Variants in LIN7A observed in about 807,000 individuals in gnomAD.
The protein encoded by LIN7A is lin-7 cell polarity scaffold A.
A neutral mutation model predicts 29.8 loss-of-function variants in LIN7A; 25 were observed. The ratio of observed to expected loss-of-function variants is 0.84; its 90% CI spans 0.61 to 1.17. LIN7A has a LOEUF of 1.17. LIN7A is among the 50% of genes most tolerant of loss of function. LIN7A has a pLI of 0.00. For missense variants in LIN7A, 239 were observed against 287.0 expected, an observed-to-expected ratio of 0.83 and a Z score of 1.21; for synonymous variants, 118 against 107.5, an observed-to-expected ratio of 1.10 and a Z score of -0.60.
intron 5 of LIN7A, among the ~76,000 whole-genome samples, chr12:80,803,586 C>T (rs1255362522): frequency 6.6e-6 from 1 of 152,114 alleles, no homozygotes; most frequent in African/African-American, 2.4e-5. Flanking sequence ...GTTCTTTATG[C>T]TCAAAGTTGA....
chr12:80,832,789 C>T (rs1475800499), intron 4 of LIN7A, among the ~76,000 whole-genome samples: 1 of 152,080 alleles, frequency 6.6e-6, no homozygotes, highest in Non-Finnish European at 1.5e-5. Flanking sequence ...ATTGTAGCTA[C>T]TATATGGTTT....
chr12:80,818,120 A>G (rs1871622889), intron 4 of LIN7A, among the ~76,000 whole-genome samples: 1 of 151,970 alleles, frequency 6.6e-6, no homozygotes, highest in African/African-American at 2.4e-5. Context: ...TTCTTATGAT[A>G]GTTTTACTTT....
At chr12:80,855,232 G>A (rs957482267) in intron 2 of LIN7A, among the ~76,000 whole-genome samples, 1 of 152,080 alleles carries the variant, frequency 6.6e-6, no homozygotes, top group Non-Finnish European at 1.5e-5. Context: ...CAAATGAAAG[G>A]ACACATGGGA....
intron 4 of LIN7A, among the ~76,000 whole-genome samples, chr12:80,839,750 T>G (rs1021277251): frequency 5.9e-5 from 9 of 152,182 alleles, no homozygotes; most frequent in Non-Finnish European, 1.2e-4. Context: ...CATAAGTAAT[T>G]TGGGCTGTGA....
At chr12:80,819,533 T>C (rs1871696738) in intron 4 of LIN7A, among the ~76,000 whole-genome samples, 2 of 152,188 alleles carry the variant, frequency 1.3e-5, no homozygotes, top group African/African-American at 2.4e-5. Context: ...TATGTGTGTG[T>C]CCAGCATTTA....
chr12:80,843,463 G>A (rs1374323575), intron 4 of LIN7A, among the ~76,000 whole-genome samples: 2 of 152,204 alleles, frequency 1.3e-5, no homozygotes, highest in East Asian at 3.9e-4. Flanking sequence ...GTTGTGAGTC[G>A]AACACTGCCT....
At chr12:80,871,209 A>G (rs1030088738) in intron 2 of LIN7A, among the ~76,000 whole-genome samples, 1 of 152,174 alleles carries the variant, frequency 6.6e-6, no homozygotes, top group South Asian at 2.1e-4. Context: ...AAAAGAGAAT[A>G]TATCTGTGGT....
At chr12:80,884,030 C>A (rs1238874439) in intron 2 of LIN7A, among the ~76,000 whole-genome samples, 8 of 152,084 alleles carry the variant, frequency 5.3e-5, no homozygotes, top group South Asian at 4.1e-4. Flanking sequence ...ACAAAAAAAT[C>A]TCTTTATAAA....
intron 1 of LIN7A, among the ~76,000 whole-genome samples, chr12:80,917,491 G>A (rs1245288356): frequency 6.6e-6 from 1 of 151,874 alleles, no homozygotes; most frequent in Non-Finnish European, 1.5e-5. Context: ...TGAAAATGGT[G>A]CTATTTTTTT....
chr12:80,891,054 C>T (rs1211212545), intron 1 of LIN7A, among the ~76,000 whole-genome samples: 1 of 152,054 alleles, frequency 6.6e-6, no homozygotes, highest in Non-Finnish European at 1.5e-5. Context: ...TCAAGCAAAA[C>T]TATGGTGTTT....
chr12:80,819,331 T>A (rs748331580), intron 4 of LIN7A, among the ~76,000 whole-genome samples: 7 of 152,234 alleles, frequency 4.6e-5, no homozygotes, highest in Non-Finnish European at 1.0e-4. Context: ...AATGTAGTCT[T>A]TTTTGATTAA....
chr12:80,851,613 C>G (rs1253076256), intron 2 of LIN7A, among the ~76,000 whole-genome samples: 1 of 151,994 alleles, frequency 6.6e-6, no homozygotes, highest in Non-Finnish European at 1.5e-5. Flanking sequence ...TCATGGAAAG[C>G]CAAAGTATTT....
intron 4 of LIN7A, among the ~76,000 whole-genome samples, chr12:80,819,944 A>G (rs1871716369): frequency 6.6e-6 from 1 of 152,222 alleles, no homozygotes; most frequent in South Asian, 2.1e-4. Flanking sequence ...TCTTTATATT[A>G]TTTGGGAAGT....
intron 1 of LIN7A, chr12:80,937,410 G>A: frequency 2.6e-6 from 1 of 388,852 alleles, no homozygotes; most frequent in Non-Finnish European, 4.5e-6. Flanking sequence ...AGAGCCAGAA[G>A]GAGGCGTCCC....
chr12:80,806,663 G>T (rs867672182), intron 5 of LIN7A, among the ~76,000 whole-genome samples: 1 of 152,188 alleles, frequency 6.6e-6, no homozygotes, highest in Non-Finnish European at 1.5e-5. Context: ...AACCTGAGAT[G>T]CTTAAAGTCT....
intron 2 of LIN7A, among the ~76,000 whole-genome samples, chr12:80,856,289 A>G (rs1312533277): frequency 6.6e-6 from 1 of 152,186 alleles, no homozygotes; most frequent in Non-Finnish European, 1.5e-5. Context: ...GTCGGACAAG[A>G]AAAAATACTG....
intron 2 of LIN7A, among the ~76,000 whole-genome samples, chr12:80,852,376 T>C (rs7955912): frequency 0.04 from 6,075 of 152,224 alleles, 197 homozygotes; most frequent in East Asian, 0.1. Context: ...GAAAGCTAGG[T>C]AAGGGATGAC....
chr12:80,884,286 T>G (rs764468549), intron 2 of LIN7A, among the ~76,000 whole-genome samples: 4 of 152,168 alleles, frequency 2.6e-5, no homozygotes, highest in Non-Finnish European at 5.9e-5. Flanking sequence ...TAGATTTGGT[T>G]TGATCATTGT....
chr12:80,845,677 A>C (rs767232112), intron 4 of LIN7A, 53 bp downstream of exon 4: 1 of 1,302,542 alleles, frequency 7.7e-7, no homozygotes, highest in Non-Finnish European at 1.1e-6. Flanking sequence ...AGCAGGGGGC[A>C]AAAAAAAAGA....
Sources: gnomAD v4.1 joint callset for allele counts (sites outside exome capture counted in the v4.1 genomes callset) on GRCh38, gnomAD v4.1.1 for gene constraint, MANE v1.5 for transcripts, NCBI Gene and HGNC (gene_info 2026-07-23, HGNC 2026-07-21) for gene names.